The following TENM1 variants were observed in gnomAD, a reference collection of about 807,000 sequenced individuals.
TENM1 encodes teneurin-1.
Under a neutral mutation model 174.8 loss-of-function variants are expected in TENM1, and 35 were observed. The observed-to-expected ratio is 0.20, with a 90% confidence interval of 0.15 to 0.27. The LOEUF is 0.27. TENM1 is among the 10% of genes least tolerant of loss of function. The pLI is 1.00. For missense variants in TENM1, 1,633 were observed against 2,130.1 expected (o/e 0.77, Z 4.59); for synonymous variants, 781 against 798.7 (o/e 0.98, Z 0.37).
In TENM1 at chrX:124,406,527, G is replaced by A. The variant is rs555768240; in HGVS notation, c.4983-38C>T. 6.8e-5 allele frequency: 70 copies of A among 1,034,712 alleles called. No individual in the cohort carries two copies. The South Asian group carries it at 1.1e-3, about 17-fold the overall frequency. The allele number at this position is 1,034,712 out of a possible 1,213,427, so 85.3% of individuals were successfully genotyped here. ...ACCAATCCCAGCTTTGAAGCGTCTC[G>A]GCAGTGATAACAGGACTTTGCAAAA... On this transcript the variant is annotated intron_variant, in intron 25 of 31. Coordinates refer to ENST00000422452, the Ensembl canonical transcript of TENM1.
At chrX:124,585,977 A>G (rs2049496619) in intron 11 of TENM1, among the ~76,000 whole-genome samples, 1 of 110,566 alleles carries the variant, frequency 9.0e-6, no homozygotes, top group African/African-American at 3.4e-5. Flanking sequence ...CCCTCCCAAG[A>G]CTAAACCAGG....
At chrX:125,122,091 A>C in the TENM1 span, among the ~76,000 whole-genome samples, 1 of 111,770 alleles carries the variant, frequency 8.9e-6, no homozygotes, top group Non-Finnish European at 1.9e-5. Context: ...AAAAATGGGT[A>C]AAGTAGAAAG....
chrX:124,682,487 C>G (rs2052259652), intron 5 of TENM1, among the ~76,000 whole-genome samples: 1 of 111,000 alleles, frequency 9.0e-6, no homozygotes, highest in African/African-American at 3.3e-5. Context: ...TTGATCTGCA[C>G]AAGTAAGGGA....
chrX:124,953,920 C>G (rs1366974846), intron 1 of TENM1, among the ~76,000 whole-genome samples: 1 of 111,532 alleles, frequency 9.0e-6, no homozygotes, highest in Non-Finnish European at 1.9e-5. Context: ...AGATAGACCA[C>G]AGAAATAGAA....
intron 11 of TENM1, among the ~76,000 whole-genome samples, chrX:124,620,589 C>T (rs955720645): frequency 8.9e-6 from 1 of 111,993 alleles, no homozygotes; most frequent in African/African-American, 3.2e-5. Context: ...ATTTACCTAA[C>T]CATTCTGATT....
At chrX:124,468,453 G>A (rs896219377) in intron 22 of TENM1, among the ~76,000 whole-genome samples, 1 of 112,469 alleles carries the variant, frequency 8.9e-6, no homozygotes, top group Non-Finnish European at 1.9e-5. Flanking sequence ...TGGGATTACA[G>A]GCGTCAGCCA....
intron 11 of TENM1, among the ~76,000 whole-genome samples, chrX:124,600,034 G>A (rs1012021837): frequency 2.2e-4 from 24 of 110,049 alleles, no homozygotes; most frequent in Admixed American, 2.0e-3. Flanking sequence ...ATATGTGTGT[G>A]TGTGTGTATA....
At chrX:125,145,699 C>T in the TENM1 span, among the ~76,000 whole-genome samples, 1 of 112,252 alleles carries the variant, frequency 8.9e-6, no homozygotes, top group Non-Finnish European at 1.9e-5. Context: ...ATCCATTTCA[C>T]TTCAGCTGGG....
At chrX:124,807,819 C>T (rs1372697755) in intron 3 of TENM1, among the ~76,000 whole-genome samples, 1 of 109,107 alleles carries the variant, frequency 9.2e-6, no homozygotes, top group African/African-American at 3.4e-5. Flanking sequence ...CAAAGACACA[C>T]AGTAGATGCA....
chrX:124,771,004 A>G (rs1172057984), intron 3 of TENM1, among the ~76,000 whole-genome samples: 1 of 112,216 alleles, frequency 8.9e-6, no homozygotes, highest in African/African-American at 3.2e-5. Flanking sequence ...GAACTAGAAA[A>G]ACCATTACTT....
chrX:124,658,502 C>A (rs1016211827), intron 6 of TENM1, among the ~76,000 whole-genome samples: 7 of 111,384 alleles, frequency 6.3e-5, no homozygotes, highest in Non-Finnish European at 1.1e-4. Flanking sequence ...GGTAGGTCAT[C>A]ATATAATTGT....
At chrX:124,732,897 T>G (rs1293063356) in intron 4 of TENM1, among the ~76,000 whole-genome samples, 2 of 112,137 alleles carry the variant, frequency 1.8e-5, no homozygotes, top group Non-Finnish European at 3.8e-5. Flanking sequence ...GCCTTTCCTT[T>G]GGGGATTGAC....
intron 6 of TENM1, among the ~76,000 whole-genome samples, chrX:124,668,615 C>T (rs1023697454): frequency 3.6e-5 from 4 of 110,002 alleles, no homozygotes; most frequent in Non-Finnish European, 7.6e-5. Flanking sequence ...AACCGAACAC[C>T]GCATGTTCTC....
At chrX:125,139,917 G>A in the TENM1 span, among the ~76,000 whole-genome samples, 1 of 109,849 alleles carries the variant, frequency 9.1e-6, no homozygotes, top group Admixed American at 9.8e-5. Flanking sequence ...GAGAAGTAGA[G>A]AGAGAGTATT....
At chrX:124,783,418 C>T (rs771720913) in intron 3 of TENM1, among the ~76,000 whole-genome samples, 1 of 111,681 alleles carries the variant, frequency 9.0e-6, no homozygotes, top group South Asian at 3.7e-4. Context: ...TTAGAACAAT[C>T]TAGCATATAT....
chrX:124,593,070 G>T (rs942729212), intron 11 of TENM1, among the ~76,000 whole-genome samples: 2 of 111,560 alleles, frequency 1.8e-5, no homozygotes, highest in Middle Eastern at 4.6e-3. Context: ...TCAGCCCTAG[G>T]GTTGTGGGGG....
At chrX:125,059,584 C>A in the TENM1 span, among the ~76,000 whole-genome samples, 3 of 111,236 alleles carry the variant, frequency 2.7e-5, no homozygotes, top group African/African-American at 9.8e-5. Flanking sequence ...TGTACTCTGA[C>A]CGACATCTCC....
At chrX:124,645,560 A>C (rs1442791284) in intron 9 of TENM1, among the ~76,000 whole-genome samples, 1 of 112,033 alleles carries the variant, frequency 8.9e-6, no homozygotes, top group Non-Finnish European at 1.9e-5. Flanking sequence ...TATTTCAAGT[A>C]CTTGCATTTG....
intron 3 of TENM1, among the ~76,000 whole-genome samples, chrX:124,741,669 T>C (rs764095923): frequency 1.8e-5 from 2 of 111,700 alleles, no homozygotes; most frequent in Non-Finnish European, 3.8e-5. Context: ...AAATTGTGAG[T>C]TATTGTGAAG....
Sources: gnomAD v4.1 joint callset for allele counts (sites outside exome capture counted in the v4.1 genomes callset) on GRCh38, gnomAD v4.1.1 for gene constraint, MANE v1.5 for transcripts, NCBI Gene and HGNC (gene_info 2026-07-23, HGNC 2026-07-21) for gene names.